GPHN: variants seen among roughly 807,000 people sequenced by gnomAD.
The protein encoded by GPHN is gephyrin.
A neutral mutation model predicts 95.5 loss-of-function variants in GPHN; 17 were observed. That is an observed-to-expected ratio of 0.18 (90% CI 0.12 to 0.27). The LOEUF (loss-of-function observed/expected upper bound fraction) is 0.27. GPHN is among the 10% of genes least tolerant of loss of function. The pLI is 1.00. For synonymous variants in GPHN, 320 were observed against 322.5 expected, an observed-to-expected ratio of 0.99 and a Z score of 0.08; for missense variants, 660 against 978.1, an observed-to-expected ratio of 0.67 and a Z score of 4.34.
At chr14:66,901,366 C>A (rs1371232794) in intron 5 of GPHN, among the ~76,000 whole-genome samples, 1 of 151,990 alleles carries the variant, frequency 6.6e-6, no homozygotes, top group Non-Finnish European at 1.5e-5. Context: ...CTTTGCTGTG[C>A]AGAAGCTTTT....
chr14:66,716,433 A>C (rs1260392841), intron 2 of GPHN, among the ~76,000 whole-genome samples: 1 of 140,586 alleles, frequency 7.1e-6, no homozygotes, highest in Non-Finnish European at 1.5e-5. Context: ...TGGTTGGTGA[A>C]TTCTTATCCA....
the GPHN span, chr14:67,582,053 A>G: frequency 1.2e-6 from 2 of 1,603,072 alleles, no homozygotes; most frequent in South Asian, 1.1e-5. This position sits in a 1 kb window ranked among gnomAD's most constrained non-coding sequence, Gnocchi z 5.0. Context: ...CTGGTTTCTT[A>G]TTCTCTTCTT....
the GPHN span, chr14:67,692,687 C>T: frequency 2.1e-6 from 3 of 1,418,882 alleles, no homozygotes; most frequent in South Asian, 2.8e-5. Flanking sequence ...TTAAAAAACA[C>T]ACATTTTTAC....
chr14:67,578,792 C>T, the GPHN span, among the ~76,000 whole-genome samples: 20 of 152,164 alleles, frequency 1.3e-4, no homozygotes, highest in Admixed American at 2.0e-4. The surrounding 1 kb of genome is among the most constrained non-coding windows in gnomAD (Gnocchi z 5.0). Flanking sequence ...CAAATGGGCA[C>T]GTGTGGATCT....
At chr14:67,226,850 T>G in the GPHN span, among the ~76,000 whole-genome samples, 1 of 152,236 alleles carries the variant, frequency 6.6e-6, no homozygotes, top group Admixed American at 6.5e-5. Context: ...GCTCCTAATA[T>G]TCCCCTTAAC....
chr14:66,632,597 A>G (rs1046413413), intron 1 of GPHN, among the ~76,000 whole-genome samples: 2 of 147,122 alleles, frequency 1.4e-5, no homozygotes, highest in African/African-American at 5.0e-5. Context: ...GGTTCAAGTG[A>G]TTCTTCTGCC....
chr14:66,816,001 G>T (rs911179572), intron 3 of GPHN, among the ~76,000 whole-genome samples: 5 of 152,100 alleles, frequency 3.3e-5, no homozygotes, highest in African/African-American at 9.7e-5. Flanking sequence ...AATGCCAAGG[G>T]TTGCAGTTCT....
intron 1 of GPHN, among the ~76,000 whole-genome samples, chr14:66,508,863 A>G (rs1223575468): frequency 1.3e-5 from 2 of 152,020 alleles, no homozygotes; most frequent in African/African-American, 4.8e-5. Context: ...CCGGGGACCG[A>G]GGGGCCGGTG....
At chr14:66,568,921 A>G (rs1232054600) in intron 1 of GPHN, among the ~76,000 whole-genome samples, 2 of 152,108 alleles carry the variant, frequency 1.3e-5, no homozygotes, top group Admixed American at 1.3e-4. Context: ...CATGTTTATA[A>G]ATGTATGATT....
chr14:66,560,623 A>C (rs1241628535), intron 1 of GPHN, among the ~76,000 whole-genome samples: 1 of 152,192 alleles, frequency 6.6e-6, no homozygotes, highest in Non-Finnish European at 1.5e-5. Flanking sequence ...GTTGCTTATC[A>C]GCTTAAGGAG....
rs369372391 is a variant in GPHN, at chr14:67,172,132, C to G, written c.2079+3096C>G. On this transcript the variant is annotated intron_variant, in intron 21 of 22. Coordinates refer to ENST00000478722, the MANE Select transcript of GPHN (RefSeq NM_020806.5). ...CTCTGGGAGCAAGTAGTCACAGCAC[C>G]CCTTCATCCCCAATGCTACCCCAAC... is the stretch of plus-strand genomic sequence containing the variant. Among the ~76,000 whole-genome samples, 5 of 152,164 alleles carry G rather than the reference C, an allele frequency of 3.3e-5. No homozygotes were observed. In the South Asian group the frequency reaches 1.0e-3, roughly 32 times the overall value.
chr14:67,247,779 A>G, the GPHN span, among the ~76,000 whole-genome samples: 23,396 of 151,924 alleles, frequency 0.15, 3,397 homozygotes, highest in East Asian at 0.42. Flanking sequence ...GGGCTTCACC[A>G]TGTTGCCCAG....
At chr14:67,203,017 T>G in the GPHN span, 1 of 1,467,158 alleles carries the variant, frequency 6.8e-7, no homozygotes, top group South Asian at 1.3e-5. Flanking sequence ...TACCCTCTCT[T>G]ACACTTCTCA....
chr14:67,040,910 G>A (rs1019042248), intron 10 of GPHN, among the ~76,000 whole-genome samples: 35 of 152,296 alleles, frequency 2.3e-4, no homozygotes, highest in African/African-American at 7.9e-4. Context: ...CTCCACTGTA[G>A]TTAATGAGTA....
the GPHN span, among the ~76,000 whole-genome samples, chr14:67,248,764 C>T: frequency 6.6e-6 from 1 of 152,138 alleles, no homozygotes; most frequent in Admixed American, 6.6e-5. Context: ...TAAAACTTTA[C>T]TTATAAAAAT....
chr14:67,667,409 T>C, the GPHN span, among the ~76,000 whole-genome samples: 1 of 152,152 alleles, frequency 6.6e-6, no homozygotes, highest in Non-Finnish European at 1.5e-5. Context: ...TCCCACACCA[T>C]ACAAGAGTTA....
chr14:67,422,412 C>A, the GPHN span, among the ~76,000 whole-genome samples: 7 of 152,166 alleles, frequency 4.6e-5, no homozygotes, highest in Non-Finnish European at 1.0e-4. Context: ...TGGCCGAGGA[C>A]CTGTGAGTGT....
chr14:66,645,845 A>G (rs1025319519), intron 1 of GPHN, among the ~76,000 whole-genome samples: 2 of 152,118 alleles, frequency 1.3e-5, no homozygotes, highest in African/African-American at 4.8e-5. Flanking sequence ...TAGGGGAGAT[A>G]TAATTGTCCC....
chr14:67,524,460 G>T, the GPHN span, among the ~76,000 whole-genome samples: 1 of 152,186 alleles, frequency 6.6e-6, no homozygotes, highest in East Asian at 1.9e-4. Context: ...GGAGGAGTGA[G>T]AAGGGGTAGA....
Sources: allele counts gnomAD v4.1 joint callset (sites outside exome capture counted in the v4.1 genomes callset), GRCh38; gene constraint gnomAD v4.1.1; non-coding constraint Gnocchi (gnomAD v3.1); transcripts MANE v1.5; gene names NCBI Gene and HGNC (gene_info 2026-07-23, HGNC 2026-07-21).